CLVS2: variants seen among roughly 807,000 people sequenced by gnomAD.
The protein encoded by CLVS2 is clavesin-2.
A neutral mutation model predicts 29.0 loss-of-function variants in CLVS2; 19 were observed. The ratio of observed to expected loss-of-function variants is 0.66; its 90% CI spans 0.46 to 0.96. CLVS2 has a LOEUF of 0.96. CLVS2 is among the 40% of genes least tolerant of loss of function. The pLI is 0.00. For missense variants in CLVS2, 294 were observed against 404.1 expected (o/e 0.73, Z 2.34); for synonymous variants, 161 against 151.3 (o/e 1.06, Z -0.47).
In CLVS2 at chr6:122,997,593, T is replaced by A; in HGVS notation, c.-185T>A. On this transcript the variant is annotated 5_prime_UTR_variant, in exon 2 of 6. Coordinates refer to ENST00000275162, the MANE Select transcript of CLVS2 (RefSeq NM_001010852.4). ...GTTTACACCCCCCGGCCCCCCCAGC[T>A]TTGCTGGGGGAAAGCAGGAGCAACA... 2.4e-4 allele frequency: 124 copies of A among 520,070 alleles called. No individual in the cohort carries two copies. The highest frequency in any genetic ancestry group is 3.0e-4 in the Non-Finnish European group (88 of 288,898). The allele number at this position is 520,070 out of a possible 1,614,324, so 32.2% of individuals were successfully genotyped here. A position where few individuals can be genotyped will look rare whatever the true frequency, so the allele number is the denominator to read the frequency against.
intron 2 of CLVS2, among the ~76,000 whole-genome samples, chr6:123,004,362 A>C (rs925639429): frequency 6.6e-6 from 1 of 152,188 alleles, no homozygotes; most frequent in African/African-American, 2.4e-5. Flanking sequence ...ACTCACCTAC[A>C]TTCCCACAGC....
chr6:123,037,836 T>C (rs531431027), intron 3 of CLVS2, among the ~76,000 whole-genome samples: 71 of 152,316 alleles, frequency 4.7e-4, no homozygotes, highest in African/African-American at 1.5e-3. Flanking sequence ...TGCACTAAAA[T>C]ATAAATATTA....
chr6:123,025,790 G>C (rs1028987029), intron 3 of CLVS2, among the ~76,000 whole-genome samples: 1 of 152,080 alleles, frequency 6.6e-6, no homozygotes, highest in Non-Finnish European at 1.5e-5. Context: ...CAACTCCAGA[G>C]CTTTCTGTGG....
At chr6:123,009,057 A>G (rs1774712467) in intron 2 of CLVS2, among the ~76,000 whole-genome samples, 1 of 152,088 alleles carries the variant, frequency 6.6e-6, no homozygotes, top group African/African-American at 2.4e-5. Flanking sequence ...TCATTCTAAC[A>G]AAAAGTATGC....
chr6:123,012,583 T>C (rs952983576), intron 3 of CLVS2, among the ~76,000 whole-genome samples: 9 of 151,978 alleles, frequency 5.9e-5, no homozygotes, highest in Non-Finnish European at 8.8e-5. Context: ...GATAAGTCAT[T>C]GCAGGAGAAC....
At chr6:122,998,683 T>C (rs1774547932) in intron 2 of CLVS2, among the ~76,000 whole-genome samples, 1 of 152,150 alleles carries the variant, frequency 6.6e-6, no homozygotes, top group Non-Finnish European at 1.5e-5. Context: ...AAGTTCTCTG[T>C]TTGGTGATGT....
intron 3 of CLVS2, among the ~76,000 whole-genome samples, chr6:123,042,762 A>G (rs1246343029): frequency 6.6e-6 from 1 of 152,172 alleles, no homozygotes; most frequent in African/African-American, 2.4e-5. Flanking sequence ...CTGTCTGTCC[A>G]CTAGTGATAA....
At chr6:123,003,700 T>C (rs1774623408) in intron 2 of CLVS2, among the ~76,000 whole-genome samples, 1 of 152,130 alleles carries the variant, frequency 6.6e-6, no homozygotes, top group Non-Finnish European at 1.5e-5. Flanking sequence ...AGAAAAAACA[T>C]GTAAAGCTGA....
intron 3 of CLVS2, among the ~76,000 whole-genome samples, chr6:123,014,975 T>C (rs1191383900): frequency 1.3e-5 from 2 of 152,106 alleles, no homozygotes; most frequent in African/African-American, 2.4e-5. Context: ...GAAGAAGCTC[T>C]AGGCATAGCT....
intron 3 of CLVS2, among the ~76,000 whole-genome samples, chr6:123,013,535 C>T (rs1024631649): frequency 3.4e-4 from 52 of 152,074 alleles, no homozygotes; most frequent in African/African-American, 1.3e-3. Flanking sequence ...AGGAAACTTA[C>T]GTGCATTATG....
rs1772894637 is a variant in CLVS2, at chr6:123,068,436, A to G, written c.*4675A>G. The G allele has an allele frequency of 2.0e-5, 3 of 151,640 alleles. No homozygotes were observed. The South Asian group carries it at 6.2e-4, about 31-fold the overall frequency. The allele number at this position is 151,640 out of a possible 1,614,324, so 9.4% of individuals were successfully genotyped here. On this transcript the variant is annotated 3_prime_UTR_variant, in exon 6 of 6. Coordinates refer to ENST00000275162, the MANE Select transcript of CLVS2 (RefSeq NM_001010852.4). Reference sequence around the variant, plus strand: ...ACGAGATGGACTTAGGTGAAAATAAATTTTAACCACAGTTTTAAGGGTCAC... The same window carrying G: ...ACGAGATGGACTTAGGTGAAAATAAGTTTTAACCACAGTTTTAAGGGTCAC...
At chr6:123,005,459 T>C (rs1173280904) in intron 2 of CLVS2, among the ~76,000 whole-genome samples, 1 of 152,190 alleles carries the variant, frequency 6.6e-6, no homozygotes, top group Admixed American at 6.5e-5. Context: ...TAATAATGGC[T>C]GATTGATTTA....
rs1301361041 is a variant in CLVS2, at chr6:123,070,426, T to C, written c.*6665T>C. On this transcript the variant is annotated 3_prime_UTR_variant, in exon 6 of 6. Transcript: ENST00000275162. Reference sequence around the variant, plus strand: ...TAACCACTTCTCCAATCTTCTTCACTGTATTGGACCAAGTCTTCAACATTT... The same window carrying C: ...TAACCACTTCTCCAATCTTCTTCACCGTATTGGACCAAGTCTTCAACATTT... 1 of 151,882 alleles carries C rather than the reference T, an allele frequency of 6.6e-6. No homozygotes were observed. Among genetic ancestry groups the C allele is most frequent in the African/African-American group, 2.4e-5 (1 of 41,334 alleles). The allele number at this position is 151,882 out of a possible 1,614,324, so 9.4% of individuals were successfully genotyped here. A position where few individuals can be genotyped will look rare whatever the true frequency, so the allele number is the denominator to read the frequency against.
chr6:122,997,948 C>T lies in CLVS2; in HGVS notation c.171C>T (p.Phe57=), dbSNP rs1345393690. Residue 57 remains phenylalanine (F), a synonymous_variant, in exon 2 of 6, where the codon TTC becomes TTT. Transcript: ENST00000275162. Reference sequence around the variant, plus strand: ...CGGATGATGCCTTCATCTTACGCTTCTTGCGGGCTAGGAAGTTTCATCACT... The same window carrying T: ...CGGATGATGCCTTCATCTTACGCTTTTTGCGGGCTAGGAAGTTTCATCACT... ...LRTDDAFILR[F]LRARKFHHFE... is the part of the protein sequence containing the mutation. The T allele has an allele frequency of 1.2e-6, 2 of 1,614,164 alleles. No homozygotes were observed. The highest frequency in any genetic ancestry group is 1.3e-5 in the African/African-American group (1 of 75,062).
At chr6:123,027,003 G>A (rs1055883140) in intron 3 of CLVS2, among the ~76,000 whole-genome samples, 12 of 152,086 alleles carry the variant, frequency 7.9e-5, no homozygotes, top group African/African-American at 1.9e-4. Flanking sequence ...GTGGAGAGAT[G>A]TACGTAGGGA....
At position 123,064,144 on chromosome 6, in the gene CLVS2, A is replaced by G. The variant is rs1772818314; in HGVS notation, c.*383A>G. On this transcript the variant is annotated 3_prime_UTR_variant, in exon 6 of 6. Transcript: ENST00000275162. ...ATGTAGCCCTCTTTCCTATGAAGCCATATTTCAGCTCTCATAGTGATTGTT... is the reference window on the plus strand; with the variant it reads ...ATGTAGCCCTCTTTCCTATGAAGCCGTATTTCAGCTCTCATAGTGATTGTT... The G allele has an allele frequency of 5.0e-5, 8 of 158,986 alleles. No homozygotes were observed. The South Asian group carries it at 1.1e-3, about 22-fold the overall frequency. 9.8% of individuals were successfully genotyped at this position (158,986 alleles called of 1,614,324 possible).
intron 3 of CLVS2, among the ~76,000 whole-genome samples, chr6:123,047,434 T>G (rs1320822063): frequency 6.6e-6 from 1 of 152,146 alleles, no homozygotes; most frequent in Non-Finnish European, 1.5e-5. Flanking sequence ...TACTATTGCT[T>G]TATAGGGTAT....
rs1772846813 is a variant in CLVS2 at position 123,065,836 on chromosome 6, G to T, written c.*2075G>T. 1.3e-5 allele frequency: 2 copies of T among 151,836 alleles called. No homozygotes were observed. The highest frequency in any genetic ancestry group is 3.9e-4 in the East Asian group (2 of 5,174). The allele number at this position is 151,836 out of a possible 1,614,324, so 9.4% of individuals were successfully genotyped here. ...ATTGCCAGTTTTCAGAATTCTGCCA[G>T]TTTCAGATGTCAACCAGCATTGGCA... On this transcript the variant is annotated 3_prime_UTR_variant, in exon 6 of 6. Transcript: ENST00000275162.
Position 122,997,976 on chromosome 6 carries a change from G to A in CLVS2, c.199G>A (p.Glu67Lys). The change falls in exon 2 of 6, where the codon GAG becomes AAG. Residue 67 changes from glutamate to lysine, a missense_variant. By Grantham distance (56) the Glu-to-Lys change is moderately conservative. Transcript: ENST00000275162. The part of the protein sequence containing the change: ...FLRARKFHHF[E>K]AFRLLAQYFE... ...GCGGGCTAGGAAGTTTCATCACTTT[G>A]AGGCCTTCCGCCTCCTGGCGCAGTA... 1 of 1,614,062 alleles carries A rather than the reference G, an allele frequency of 6.2e-7. No individual in the cohort carries two copies. Among genetic ancestry groups the A allele is most frequent in the Non-Finnish European group, 8.5e-7 (1 of 1,179,974 alleles).
Sources: gnomAD v4.1 joint callset for allele counts (sites outside exome capture counted in the v4.1 genomes callset) on GRCh38, gnomAD v4.1.1 for gene constraint, MANE v1.5 for transcripts, NCBI Gene and HGNC (gene_info 2026-07-23, HGNC 2026-07-21) for gene names.